PALLD: variants seen among roughly 807,000 people sequenced by gnomAD.
The protein encoded by PALLD is palladin, cytoskeletal associated protein, also known as palladin.
PALLD carries 61 observed loss-of-function variants against 123.5 expected under a neutral mutation model. The ratio of observed to expected loss-of-function variants is 0.49; its 90% CI spans 0.40 to 0.61. The LOEUF is 0.61. Among genes scored for constraint, PALLD ranks in the 20% least tolerant of loss-of-function variants. PALLD has a pLI of 0.00. For synonymous variants in PALLD, 465 were observed against 496.4 expected, an observed-to-expected ratio of 0.94 and a Z score of 0.84; for missense variants, 1,273 against 1,377.0, an observed-to-expected ratio of 0.92 and a Z score of 1.20.
chr4:168,819,869 G>A (rs1034838215), intron 10 of PALLD, among the ~76,000 whole-genome samples: 2 of 152,180 alleles, frequency 1.3e-5, no homozygotes, highest in Non-Finnish European at 2.9e-5. Context: ...CCTCTATAGT[G>A]GAGATTTGAA....
At chr4:168,628,165 T>C (rs969004669) in intron 2 of PALLD, among the ~76,000 whole-genome samples, 3 of 152,242 alleles carry the variant, frequency 2.0e-5, no homozygotes, top group African/African-American at 7.2e-5. Flanking sequence ...TGTGGACGTT[T>C]GTAACATTGT....
intron 10 of PALLD, among the ~76,000 whole-genome samples, chr4:168,821,834 C>T (rs1415258166): frequency 1.4e-5 from 2 of 146,234 alleles, no homozygotes; most frequent in African/African-American, 2.6e-5. Context: ...GAGCCGACAT[C>T]GTGCCATCAC....
rs1226552040 is a variant in PALLD, at chr4:168,925,477, A to G, written c.*32+199A>G. Reference sequence around the variant, plus strand: ...AACATTTCTTCCTATATTCTATCGCAGTGTCCTAATGCACTCTAAACGTGT... The same window carrying G: ...AACATTTCTTCCTATATTCTATCGCGGTGTCCTAATGCACTCTAAACGTGT... On this transcript the variant is annotated intron_variant, in intron 21 of 21. Coordinates refer to ENST00000505667, the MANE Select transcript of PALLD (RefSeq NM_001166108.2). The G allele has an allele frequency of 1.1e-4, 68 of 595,490 alleles. 1 individual carries two copies. The East Asian group carries it at 1.7e-3, about 15-fold the overall frequency. 36.9% of individuals were successfully genotyped at this position (595,490 alleles called of 1,614,324 possible). A position where few individuals can be genotyped will look rare whatever the true frequency, so the allele number is the denominator to read the frequency against.
At chr4:168,589,687 C>A (rs1193732057) in intron 2 of PALLD, among the ~76,000 whole-genome samples, 1 of 152,178 alleles carries the variant, frequency 6.6e-6, no homozygotes, top group African/African-American at 2.4e-5. Flanking sequence ...AGTTGCTAAG[C>A]ATGAGAGGCA....
intron 10 of PALLD, among the ~76,000 whole-genome samples, chr4:168,856,133 A>G (rs895377659): frequency 6.6e-6 from 1 of 152,166 alleles, no homozygotes; most frequent in African/African-American, 2.4e-5. Context: ...GTTTAGGATA[A>G]TGGCCTCGAG....
rs556435150 is a variant in PALLD at position 168,651,636 on chromosome 4, C to T, written c.909-16554C>T. Among the ~76,000 whole-genome samples, 5 of 152,210 alleles carry T rather than the reference C, an allele frequency of 3.3e-5. No individual in the cohort carries two copies. In the East Asian group the frequency reaches 9.7e-4, roughly 29 times the overall value. ...GTCACTGGCCAGAAAACCTCTAATC[C>T]CAGCAGAATTTTAGAGCTATTAAGT... On this transcript the variant is annotated intron_variant, in intron 2 of 21. Coordinates refer to ENST00000505667, the MANE Select transcript of PALLD (RefSeq NM_001166108.2).
At chr4:168,765,327 C>G (rs949154968) in intron 10 of PALLD, among the ~76,000 whole-genome samples, 11 of 152,114 alleles carry the variant, frequency 7.2e-5, no homozygotes. Flanking sequence ...GAGTAGCCAT[C>G]TTGAGAGACA....
chr4:168,874,018 C>T (rs1368592197), intron 10 of PALLD, among the ~76,000 whole-genome samples: 1 of 152,138 alleles, frequency 6.6e-6, no homozygotes, highest in Non-Finnish European at 1.5e-5. Flanking sequence ...GAGAAACATC[C>T]CCTGCAATAA....
intron 8 of PALLD, among the ~76,000 whole-genome samples, chr4:168,706,893 A>G (rs1040023747): frequency 6.6e-5 from 10 of 152,180 alleles, no homozygotes; most frequent in Non-Finnish European, 1.2e-4. Flanking sequence ...TTTGCCTTTG[A>G]AGAGTGAGAT....
intron 2 of PALLD, among the ~76,000 whole-genome samples, chr4:168,518,020 G>T (rs1196824621): frequency 1.2e-5 from 1 of 83,034 alleles, no homozygotes; most frequent in African/African-American, 5.4e-5. Flanking sequence ...CAAATTTGTC[G>T]AAAACTAAAC....
intron 2 of PALLD, among the ~76,000 whole-genome samples, chr4:168,538,885 C>G (rs1431765463): frequency 3.9e-5 from 6 of 152,206 alleles, no homozygotes; most frequent in African/African-American, 1.4e-4. Flanking sequence ...GATTCTCTCT[C>G]TGTTTCCGAA....
intron 2 of PALLD, among the ~76,000 whole-genome samples, chr4:168,577,450 A>G (rs1022891020): frequency 2.0e-5 from 3 of 152,192 alleles, no homozygotes; most frequent in African/African-American, 7.2e-5. Context: ...TATTAAATAC[A>G]GTATATCAAT....
Position 168,673,888 on chromosome 4 carries a change from CTGTGTGTG to C in PALLD, c.1087+5542_1087+5549del, listed in dbSNP as rs34043206. Among the ~76,000 whole-genome samples, 512 of 146,384 alleles carry C rather than the reference CTGTGTGTG, an allele frequency of 3.5e-3. 2 individuals are homozygous for C. The highest frequency in any genetic ancestry group is 0.011 in the African/African-American group (460 of 40,476). On this transcript the variant is annotated intron_variant, in intron 3 of 21. Coordinates refer to ENST00000505667, the MANE Select transcript of PALLD (RefSeq NM_001166108.2). ...AATTAAGTGCTGTCTTTTGAACGTGCTGTGTGTGTGTGTGTGTGTGTGTGTGTGTCTGT... is the reference window on the plus strand; with the variant it reads ...AATTAAGTGCTGTCTTTTGAACGTGCTGTGTGTGTGTGTGTGTGTGTCTGT...
intron 10 of PALLD, chr4:168,712,218 G>A (rs1000278296): frequency 2.6e-5 from 13 of 492,498 alleles, no homozygotes; most frequent in Non-Finnish European, 2.9e-5. Context: ...GCCACTCCCT[G>A]GAGGCCATGG....
intron 2 of PALLD, among the ~76,000 whole-genome samples, chr4:168,602,906 C>G (rs1406148659): frequency 6.7e-6 from 1 of 150,162 alleles, no homozygotes; most frequent in Non-Finnish European, 1.5e-5. Flanking sequence ...GGTGGGACTG[C>G]AGCAGGCACC....
chr4:168,614,166 T>A (rs1043513865), intron 2 of PALLD, among the ~76,000 whole-genome samples: 3 of 152,248 alleles, frequency 2.0e-5, no homozygotes, highest in African/African-American at 7.2e-5. Flanking sequence ...CTGCCTCCTG[T>A]CTTTTTTCTC....
At chr4:168,818,889 ACTAT>A (rs1338079095) in intron 10 of PALLD, among the ~76,000 whole-genome samples, 2 of 152,214 alleles carry the variant, frequency 1.3e-5, no homozygotes, top group Non-Finnish European at 2.9e-5. Context: ...AAAATTACAC[ACTAT>A]CTGTATAGCT....
intron 2 of PALLD, among the ~76,000 whole-genome samples, chr4:168,594,787 G>A (rs1266909469): frequency 2.0e-5 from 3 of 152,098 alleles, no homozygotes; most frequent in African/African-American, 7.2e-5. Flanking sequence ...TATCCTTGTA[G>A]TGTTTGATCC....
chr4:168,800,281 A>T (rs1739137262), intron 10 of PALLD, among the ~76,000 whole-genome samples: 1 of 152,202 alleles, frequency 6.6e-6, no homozygotes, highest in Admixed American at 6.5e-5. Context: ...AATTCTGATC[A>T]TTAAAAGGCA....
Sources: gnomAD v4.1 joint callset for allele counts (sites outside exome capture counted in the v4.1 genomes callset) on GRCh38, gnomAD v4.1.1 for gene constraint, MANE v1.5 for transcripts, NCBI Gene and HGNC (gene_info 2026-07-23, HGNC 2026-07-21) for gene names.